Variants in SH3BGR observed in about 807,000 individuals in gnomAD.
The protein encoded by SH3BGR is SH3 domain binding glutamate rich protein, also known as SH3 domain-binding glutamic acid-rich protein.
Under a neutral mutation model 24.5 loss-of-function variants are expected in SH3BGR, and 29 were observed. That is an observed-to-expected ratio of 1.18 (90% confidence interval 0.88 to 1.61). The LOEUF is 1.61. Among genes scored for constraint, SH3BGR ranks in the 40% most tolerant of loss-of-function variants. The pLI is 0.00. For missense variants in SH3BGR, 162 were observed against 205.8 expected, an observed-to-expected ratio of 0.79 and a Z score of 1.30; for synonymous variants, 55 against 65.7, an observed-to-expected ratio of 0.84 and a Z score of 0.79.
At chr21:39,454,423 T>A (rs1353200836) in intron 1 of SH3BGR, among the ~76,000 whole-genome samples, 1 of 152,240 alleles carries the variant, frequency 6.6e-6, no homozygotes, top group Non-Finnish European at 1.5e-5. Context: ...GTATTACATC[T>A]CAATTTTAAT....
At chr21:39,491,453 C>A in intron 3 of SH3BGR, 1 of 179,010 alleles carries the variant, frequency 5.6e-6, no homozygotes, top group East Asian at 1.8e-4. Context: ...ACGCCCAGCC[C>A]CATTTCAATT....
chr21:39,475,127 G>T lies in SH3BGR; in HGVS notation c.232-8G>T. The stretch of plus-strand genomic sequence containing the variant: ...GTAGTTTTAAACTTTCTTTTTCTTT[G>T]CTTCAAGGATTTTGACTCTTTCTTC... On this transcript the variant is annotated splice_region_variant and splice_polypyrimidine_tract_variant and intron_variant, in intron 2 of 6. Coordinates refer to ENST00000333634, the MANE Select transcript of SH3BGR (RefSeq NM_007341.3). 1 of 1,582,678 alleles carries T rather than the reference G, an allele frequency of 6.3e-7. No homozygotes were observed.
chr21:39,449,515 G>A (rs576961917), upstream of SH3BGR, among the ~76,000 whole-genome samples: 51 of 152,230 alleles, frequency 3.4e-4, no homozygotes, highest in Non-Finnish European at 3.1e-4. Context: ...TGGAATGTTC[G>A]CTATTCCTGT....
intron 1 of SH3BGR, among the ~76,000 whole-genome samples, chr21:39,455,096 G>A (rs1341576690): frequency 6.6e-6 from 1 of 152,228 alleles, no homozygotes; most frequent in Non-Finnish European, 1.5e-5. Context: ...ATCTCAGTTG[G>A]AAAGTCTCCT....
chr21:39,474,384 T>C (rs2077992647), intron 2 of SH3BGR, among the ~76,000 whole-genome samples: 1 of 152,202 alleles, frequency 6.6e-6, no homozygotes, highest in Non-Finnish European at 1.5e-5. Flanking sequence ...TGCAACACTG[T>C]TGAAATTGCA....
At chr21:39,484,982 A>G (rs1269855744) in intron 3 of SH3BGR, among the ~76,000 whole-genome samples, 2 of 152,252 alleles carry the variant, frequency 1.3e-5, no homozygotes, top group African/African-American at 2.4e-5. Flanking sequence ...TATGTAGAAA[A>G]TGCATGCTCA....
intron 2 of SH3BGR, among the ~76,000 whole-genome samples, chr21:39,468,090 T>A (rs2077873537): frequency 6.6e-6 from 1 of 152,210 alleles, no homozygotes; most frequent in Non-Finnish European, 1.5e-5. Flanking sequence ...TGGGCCTGAC[T>A]GAACACAAAC....
intron 4 of SH3BGR, among the ~76,000 whole-genome samples, chr21:39,501,642 C>T (rs2078496027): frequency 6.6e-6 from 1 of 152,170 alleles, no homozygotes; most frequent in African/African-American, 2.4e-5. Flanking sequence ...TGTTTGAAAA[C>T]CAACACATGC....
intron 2 of SH3BGR, among the ~76,000 whole-genome samples, chr21:39,473,606 T>TG (rs769553361): frequency 4.2e-4 from 64 of 152,018 alleles, no homozygotes; most frequent in Admixed American, 1.0e-3. Flanking sequence ...CACAGGAGGC[T>TG]GGGCATGGTG....
chr21:39,470,317 C>T (rs560173125), intron 2 of SH3BGR, among the ~76,000 whole-genome samples: 56 of 151,552 alleles, frequency 3.7e-4, no homozygotes, highest in African/African-American at 1.2e-3. Context: ...GGAGTGCAGT[C>T]GTGCAGTCTT....
intron 2 of SH3BGR, among the ~76,000 whole-genome samples, chr21:39,468,943 G>T (rs2077889119): frequency 6.6e-6 from 1 of 150,454 alleles, no homozygotes; most frequent in Admixed American, 6.6e-5. Flanking sequence ...TGAATGGACT[G>T]TTTAGGCTTT....
Position 39,515,259 on chromosome 21 carries a change from G to A in SH3BGR, c.*206G>A, listed in dbSNP as rs552646503. The A allele has an allele frequency of 1.7e-4, 59 of 350,738 alleles. No individual in the cohort carries two copies. Among genetic ancestry groups the A allele is most frequent in the South Asian group, 7.6e-4 (30 of 39,280 alleles). 21.7% of individuals were successfully genotyped at this position (350,738 alleles called of 1,614,324 possible). ...TCATACAAAATTAAATGTGAAGACC[G>A]TTTATGCATACCTTCATGTGCCTGA... On this transcript the variant is annotated 3_prime_UTR_variant, in exon 7 of 7. Coordinates refer to ENST00000333634, the MANE Select transcript of SH3BGR (RefSeq NM_007341.3).
At chr21:39,450,697 C>T (rs951410302), upstream of SH3BGR, among the ~76,000 whole-genome samples, 1 of 152,128 alleles carries the variant, frequency 6.6e-6, no homozygotes, top group Non-Finnish European at 1.5e-5. Context: ...TCCCTAATGC[C>T]CTTGATCTTG....
At chr21:39,462,627 T>G in intron 2 of SH3BGR, 67 bp downstream of exon 2, 1 of 1,151,746 alleles carries the variant, frequency 8.7e-7, no homozygotes, top group Non-Finnish European at 1.2e-6. Flanking sequence ...TAAAGCAGAT[T>G]AAGTTTGAGT....
At chr21:39,458,587 C>G (rs927521511) in intron 1 of SH3BGR, among the ~76,000 whole-genome samples, 1 of 151,218 alleles carries the variant, frequency 6.6e-6, no homozygotes, top group African/African-American at 2.4e-5. Flanking sequence ...ATCCACCTAC[C>G]TTGGCCTCCC....
intron 2 of SH3BGR, among the ~76,000 whole-genome samples, chr21:39,465,609 A>T (rs188274200): frequency 6.6e-6 from 1 of 151,980 alleles, no homozygotes; most frequent in Non-Finnish European, 1.5e-5. Flanking sequence ...TTTTAATTTT[A>T]TGATAGGGTC....
chr21:39,483,492 A>G (rs2078163320), intron 3 of SH3BGR, among the ~76,000 whole-genome samples: 1 of 152,166 alleles, frequency 6.6e-6, no homozygotes, highest in Non-Finnish European at 1.5e-5. Flanking sequence ...CTTTCCATCC[A>G]TAATCTGTCT....
At chr21:39,490,615 T>C (rs1469433481) in intron 3 of SH3BGR, among the ~76,000 whole-genome samples, 1 of 152,272 alleles carries the variant, frequency 6.6e-6, no homozygotes, top group African/African-American at 2.4e-5. Flanking sequence ...TATATAAAGC[T>C]ACTCTAGATT....
intron 4 of SH3BGR, among the ~76,000 whole-genome samples, chr21:39,508,203 G>T (rs1290126709): frequency 6.6e-6 from 1 of 152,204 alleles, no homozygotes; most frequent in African/African-American, 2.4e-5. Context: ...AAGGCATTAG[G>T]AATTTTTAGG....
Sources: allele counts gnomAD v4.1 joint callset (sites outside exome capture counted in the v4.1 genomes callset), GRCh38; gene constraint gnomAD v4.1.1; transcripts MANE v1.5; gene names NCBI Gene and HGNC (gene_info 2026-07-23, HGNC 2026-07-21).